The following PCDH15 variants were observed in gnomAD, a reference collection of about 807,000 sequenced individuals.
PCDH15 encodes protocadherin-15.
In PCDH15, 129 loss-of-function variants were observed where a neutral mutation model predicts 178.5. The ratio of observed to expected loss-of-function variants is 0.72; its 90% CI spans 0.63 to 0.84. The LOEUF (loss-of-function observed/expected upper bound fraction) is 0.84. Among genes scored for constraint, PCDH15 ranks in the 40% least tolerant of loss-of-function variants. The probability of loss-of-function intolerance (pLI) is 0.00; values close to 1 mark genes in which losing one functional copy is unlikely to be tolerated. For synonymous variants in PCDH15, 800 were observed against 732.0 expected (o/e 1.09, Z -1.50); for missense variants, 2,230 against 2,099.9 (o/e 1.06, Z -1.21).
chr10:55,399,205 T>C (rs1838003959), intron 2 of PCDH15, among the ~76,000 whole-genome samples: 1 of 152,208 alleles, frequency 6.6e-6, no homozygotes, highest in African/African-American at 2.4e-5. Context: ...AACAGATTTA[T>C]GTCTTTACTT....
intron 1 of PCDH15, among the ~76,000 whole-genome samples, chr10:54,702,543 C>CAAAAAAAAAAA (rs375110960): frequency 2.4e-5 from 3 of 125,682 alleles, no homozygotes; most frequent in Non-Finnish European, 4.8e-5. Flanking sequence ...CACAGAAATA[C>CAAAAAAAAAAA]AAAAAAAAAA....
intron 2 of PCDH15, among the ~76,000 whole-genome samples, chr10:55,066,399 A>T (rs1591873088): frequency 6.7e-6 from 1 of 150,250 alleles, no homozygotes; most frequent in African/African-American, 2.4e-5. Context: ...ATTTTTTTTT[A>T]ATTTGAGTTG....
chr10:55,257,571 C>T (rs572016609), intron 1 of PCDH15, among the ~76,000 whole-genome samples: 13 of 152,112 alleles, frequency 8.5e-5, no homozygotes, highest in Admixed American at 2.6e-4. Context: ...AACTACCTGA[C>T]GAATACACAA....
At chr10:55,373,121 A>G (rs1276566822) in intron 2 of PCDH15, among the ~76,000 whole-genome samples, 1 of 152,172 alleles carries the variant, frequency 6.6e-6, no homozygotes, top group Non-Finnish European at 1.5e-5. Flanking sequence ...GTTTATCAGG[A>G]GACAAATAAC....
intron 3 of PCDH15, among the ~76,000 whole-genome samples, chr10:54,445,631 A>G (rs557569268): frequency 1.3e-5 from 2 of 151,678 alleles, no homozygotes; most frequent in South Asian, 4.1e-4. Context: ...AGTTTCTAAT[A>G]AATGTCTATT....
chr10:55,231,772 T>C (rs1034624260), intron 1 of PCDH15, among the ~76,000 whole-genome samples: 5 of 152,004 alleles, frequency 3.3e-5, no homozygotes, highest in Admixed American at 2.0e-4. Context: ...GTGAAAAAGA[T>C]ACAGCTATCT....
At chr10:55,280,480 GGTTTTACCAA>G (rs2132256785) in intron 1 of PCDH15, among the ~76,000 whole-genome samples, 1 of 144,112 alleles carries the variant, frequency 6.9e-6, no homozygotes, top group African/African-American at 2.6e-5. Flanking sequence ...GTAGAGACAG[GGTTTTACCAA>G]GTTGGTCAGG....
intron 1 of PCDH15, among the ~76,000 whole-genome samples, chr10:54,771,673 A>G (rs956146156): frequency 6.6e-6 from 1 of 152,124 alleles, no homozygotes; most frequent in Non-Finnish European, 1.5e-5. Flanking sequence ...AACACCAAGC[A>G]AACAGACATT....
At chr10:55,104,214 G>A (rs1779251) in intron 2 of PCDH15, among the ~76,000 whole-genome samples, 13,222 of 151,120 alleles carry the variant, frequency 0.087, 1,774 homozygotes, top group African/African-American at 0.29. Context: ...TTTCAGAATA[G>A]GGCACTTTCT....
chr10:54,355,761 A>AT lies in PCDH15; in HGVS notation c.475-9278dup, dbSNP rs1462358260. ...AAATAATTATTACTGTCAGAAAAAA[A>AT]TTGGTTCTCAGCAAGCAAATTATTT... On this transcript the variant is annotated intron_variant, in intron 5 of 37. Coordinates refer to ENST00000644397, the MANE Select transcript of PCDH15 (RefSeq NM_001384140.1). 5.9e-5 allele frequency among the ~76,000 whole-genome samples: 9 copies of AT among 152,102 alleles called. 1 individual carries two copies. The highest frequency in any genetic ancestry group is 2.9e-5 in the Non-Finnish European group (2 of 67,944).
chr10:54,796,698 T>G (rs1305199796), intron 1 of PCDH15, among the ~76,000 whole-genome samples: 1 of 151,974 alleles, frequency 6.6e-6, no homozygotes, highest in East Asian at 1.9e-4. Flanking sequence ...TGTGAGTCTC[T>G]CTCATTTTCT....
At chr10:54,900,284 A>G (rs2131824670) in intron 2 of PCDH15, among the ~76,000 whole-genome samples, 1 of 152,320 alleles carries the variant, frequency 6.6e-6, no homozygotes, top group Non-Finnish European at 1.5e-5. Flanking sequence ...ATTATATATA[A>G]TATTCGAACG....
At chr10:54,663,611 A>C (rs373370932) in intron 2 of PCDH15, among the ~76,000 whole-genome samples, 79 of 151,266 alleles carry the variant, frequency 5.2e-4, no homozygotes, top group African/African-American at 1.7e-3. Flanking sequence ...TGACTGACTT[A>C]CTGTTAGGGG....
chr10:55,116,454 T>C (rs2132061383), intron 2 of PCDH15, among the ~76,000 whole-genome samples: 2 of 152,296 alleles, frequency 1.3e-5, no homozygotes, highest in Middle Eastern at 6.8e-3. Context: ...TTTATTCTTA[T>C]GCTTTTACTA....
At chr10:54,611,359 G>A in intron 2 of PCDH15, among the ~76,000 whole-genome samples, 1 of 151,786 alleles carries the variant, frequency 6.6e-6, no homozygotes, top group East Asian at 1.9e-4. Flanking sequence ...GGACACAGAA[G>A]CACATATTCT....
At chr10:54,917,210 C>A (rs982012386) in intron 2 of PCDH15, among the ~76,000 whole-genome samples, 16 of 152,082 alleles carry the variant, frequency 1.1e-4, no homozygotes, top group Admixed American at 3.3e-4. Context: ...GTAATATTTT[C>A]TGTGTTTAGT....
intron 1 of PCDH15, among the ~76,000 whole-genome samples, chr10:54,735,879 G>T (rs113354581): frequency 0.21 from 23,336 of 108,684 alleles, 2,824 homozygotes; most frequent in Non-Finnish European, 0.25. Context: ...GGTGGGGGGA[G>T]GGGGGAGGGA....
chr10:54,975,560 G>T (rs1455201644), intron 2 of PCDH15, among the ~76,000 whole-genome samples: 2 of 152,134 alleles, frequency 1.3e-5, no homozygotes, highest in Non-Finnish European at 2.9e-5. Context: ...AAGGTAGATG[G>T]AGTGATGAGA....
intron 2 of PCDH15, among the ~76,000 whole-genome samples, chr10:55,499,544 C>T (rs1423821566): frequency 6.6e-6 from 1 of 151,154 alleles, no homozygotes; most frequent in Non-Finnish European, 1.5e-5. Context: ...TCTTAGATGT[C>T]TTTGTACATT....
Sources: allele counts gnomAD v4.1 joint callset (sites outside exome capture counted in the v4.1 genomes callset), GRCh38; gene constraint gnomAD v4.1.1; transcripts MANE v1.5; gene names NCBI Gene and HGNC (gene_info 2026-07-23, HGNC 2026-07-21).